SIPA1L1: variants seen among roughly 807,000 people sequenced by gnomAD.
SIPA1L1 encodes signal-induced proliferation-associated 1-like protein 1.
SIPA1L1 carries 26 observed loss-of-function variants against 162.7 expected under a neutral mutation model. The ratio of observed to expected loss-of-function variants is 0.16; its 90% CI spans 0.12 to 0.22. The LOEUF (loss-of-function observed/expected upper bound fraction) is 0.22, where lower values mean the gene tolerates loss of function less well. SIPA1L1 is among the 10% of genes least tolerant of loss of function. The pLI is 1.00. For missense variants in SIPA1L1, 1,874 were observed against 2,241.0 expected, an observed-to-expected ratio of 0.84 and a Z score of 3.31; for synonymous variants, 829 against 837.4, an observed-to-expected ratio of 0.99 and a Z score of 0.17.
intron 4 of SIPA1L1, among the ~76,000 whole-genome samples, chr14:71,550,607 G>T (rs1025947022): frequency 3.3e-5 from 5 of 151,762 alleles, no homozygotes; most frequent in Non-Finnish European, 7.4e-5. Flanking sequence ...TTCTGGGCTG[G>T]TTTCTCTTCT....
rs535488796 is a variant in SIPA1L1, at chr14:71,660,473, T to A, written c.2098-837T>A. On this transcript the variant is annotated intron_variant, in intron 9 of 23. Transcript: ENST00000381232. ...GATCACTGATTTTACTGGTTTGCAA[T>A]TTGTATGCCTTAATGTCACCAGAGA... 3.3e-5 allele frequency among the ~76,000 whole-genome samples: 5 copies of A among 152,244 alleles called. No individual in the cohort carries two copies. The East Asian group carries it at 9.6e-4, about 29-fold the overall frequency.
chr14:71,691,800 C>T (rs1489992152), intron 13 of SIPA1L1, among the ~76,000 whole-genome samples: 2 of 152,164 alleles, frequency 1.3e-5, no homozygotes, highest in African/African-American at 4.8e-5. Flanking sequence ...GACAAGTCGC[C>T]TTTAATTTCC....
intron 2 of SIPA1L1, among the ~76,000 whole-genome samples, chr14:71,331,214 G>C (rs970083494): frequency 6.6e-6 from 1 of 152,140 alleles, no homozygotes; most frequent in Non-Finnish European, 1.5e-5. Context: ...GACTATATAT[G>C]TGGGTTTATT....
At chr14:71,442,591 T>A (rs1469454882) in intron 2 of SIPA1L1, among the ~76,000 whole-genome samples, 1 of 152,120 alleles carries the variant, frequency 6.6e-6, no homozygotes, top group Non-Finnish European at 1.5e-5. Flanking sequence ...TTTTTTCTGA[T>A]AGGGCAAAAT....
Position 71,511,389 on chromosome 14 carries a change from A to G in SIPA1L1, c.-464-1354A>G, listed in dbSNP as rs143735726. Among the ~76,000 whole-genome samples, 34 of 152,002 alleles carry G rather than the reference A, an allele frequency of 2.2e-4. No individual in the cohort carries two copies. In the East Asian group the frequency reaches 4.8e-3, roughly 22 times the overall value. ...TGCCTCTACCTTCTGGACTCAAGCA[A>G]TTCTCCCACCTCAGCCTCCCTAGTA... On this transcript the variant is annotated intron_variant, in intron 2 of 23. Transcript: ENST00000381232.
At chr14:71,703,428 A>G (rs2149864047) in intron 15 of SIPA1L1, among the ~76,000 whole-genome samples, 1 of 152,324 alleles carries the variant, frequency 6.6e-6, no homozygotes, top group African/African-American at 2.4e-5. Context: ...AGGAGTGGAG[A>G]TGTGTTCCAC....
At chr14:71,421,738 G>A (rs1296406979) in intron 2 of SIPA1L1, among the ~76,000 whole-genome samples, 2 of 151,886 alleles carry the variant, frequency 1.3e-5, no homozygotes, top group African/African-American at 4.8e-5. Context: ...AGCTGTTATG[G>A]TTGGATATAA....
At chr14:71,557,761 A>C (rs562348774) in intron 4 of SIPA1L1, among the ~76,000 whole-genome samples, 1 of 152,330 alleles carries the variant, frequency 6.6e-6, no homozygotes, top group African/African-American at 2.4e-5. Flanking sequence ...AACCTACCTT[A>C]CTTTCCTGTG....
At chr14:71,466,050 C>T (rs1229299170) in intron 2 of SIPA1L1, among the ~76,000 whole-genome samples, 1 of 152,208 alleles carries the variant, frequency 6.6e-6, no homozygotes, top group African/African-American at 2.4e-5. Flanking sequence ...AGCACCCTCA[C>T]AGACACACCC....
chr14:71,502,255 A>AAAAATATATAT (rs67020418), intron 2 of SIPA1L1, among the ~76,000 whole-genome samples: 2 of 97,552 alleles, frequency 2.1e-5, no homozygotes, highest in African/African-American at 9.0e-5. Flanking sequence ...AAAAAAAAAA[A>AAAAATATATAT]ATATATATAT....
At position 71,648,554 on chromosome 14, in the gene SIPA1L1, G is replaced by A. The variant is rs575549186; in HGVS notation, c.1819-1781G>A. Among the ~76,000 whole-genome samples the A allele has an allele frequency of 3.9e-5, 6 of 152,274 alleles. No homozygotes were observed. In the South Asian group the frequency reaches 1.0e-3, roughly 26 times the overall value. On this transcript the variant is annotated intron_variant, in intron 7 of 23. Transcript: ENST00000381232. The stretch of plus-strand genomic sequence containing the variant: ...GCAGGGCTGGCTGTGTTTCAGAATT[G>A]AGGAATTTTCAGATTTTAGAGGGAT...
chr14:71,396,862 A>G (rs540899642), intron 2 of SIPA1L1, among the ~76,000 whole-genome samples: 1 of 152,360 alleles, frequency 6.6e-6, no homozygotes, highest in African/African-American at 2.4e-5. Context: ...TATGAAATTC[A>G]TTGAGCAAAT....
Position 71,377,704 on chromosome 14 carries a change from T to TGAG in SIPA1L1, c.-465+56524_-465+56526dup, listed in dbSNP as rs1315642013. 2.6e-5 allele frequency among the ~76,000 whole-genome samples: 4 copies of TGAG among 151,978 alleles called. No homozygotes were observed. The highest frequency in any genetic ancestry group is 1.3e-4 in the Admixed American group (2 of 15,266). Reference sequence around the variant, plus strand: ...TGGGCAACATTGAGCACTGAGTGAGTGAGACTCCGTCTGCAATCCTGGCAC... The same window carrying TGAG: ...TGGGCAACATTGAGCACTGAGTGAGTGAGGAGACTCCGTCTGCAATCCTGGCAC... On this transcript the variant is annotated intron_variant, in intron 2 of 23. Transcript: ENST00000381232. This position sits in a 1 kb window ranked among gnomAD's most constrained non-coding sequence, Gnocchi z 4.8.
intron 4 of SIPA1L1, among the ~76,000 whole-genome samples, chr14:71,532,956 A>G (rs960038865): frequency 3.9e-5 from 6 of 152,156 alleles, no homozygotes; most frequent in Non-Finnish European, 8.8e-5. Flanking sequence ...CCTCTGCTTA[A>G]CCTCTACAGG....
At chr14:71,637,865 A>G (rs1469590370) in intron 7 of SIPA1L1, among the ~76,000 whole-genome samples, 1 of 152,148 alleles carries the variant, frequency 6.6e-6, no homozygotes, top group African/African-American at 2.4e-5. Flanking sequence ...CAGGGGTACT[A>G]CTCTATCAGG....
At chr14:71,648,046 T>C (rs968244309) in intron 7 of SIPA1L1, among the ~76,000 whole-genome samples, 5 of 152,092 alleles carry the variant, frequency 3.3e-5, no homozygotes, top group Non-Finnish European at 7.4e-5. Flanking sequence ...TCCCAGCACT[T>C]TGGGAGGCCG....
At chr14:71,585,531 C>T (rs191869701) in intron 4 of SIPA1L1, among the ~76,000 whole-genome samples, 2 of 152,262 alleles carry the variant, frequency 1.3e-5, no homozygotes, top group African/African-American at 4.8e-5. Context: ...TTGTATTTTA[C>T]TGCCAGCTTT....
At chr14:71,626,943 A>G (rs1198555261) in intron 7 of SIPA1L1, among the ~76,000 whole-genome samples, 1 of 151,980 alleles carries the variant, frequency 6.6e-6, no homozygotes, top group Non-Finnish European at 1.5e-5. Flanking sequence ...TTTATCTATT[A>G]AATATAAAAG....
chr14:71,649,284 C>T (rs924941298), intron 7 of SIPA1L1, among the ~76,000 whole-genome samples: 3 of 151,426 alleles, frequency 2.0e-5, no homozygotes, highest in South Asian at 2.1e-4. Flanking sequence ...ATCAATCTCC[C>T]GGGCTCAAAT....
Sources: allele counts gnomAD v4.1 joint callset (sites outside exome capture counted in the v4.1 genomes callset), GRCh38; gene constraint gnomAD v4.1.1; non-coding constraint Gnocchi (gnomAD v3.1); transcripts MANE v1.5; gene names NCBI Gene and HGNC (gene_info 2026-07-23, HGNC 2026-07-21).